TRAPPC9: variants seen among roughly 807,000 people sequenced by gnomAD.
The protein encoded by TRAPPC9 is trafficking protein particle complex subunit 9.
In TRAPPC9, 83 loss-of-function variants were observed where a neutral mutation model predicts 124.0. The observed-to-expected ratio is 0.67, with a 90% CI of 0.56 to 0.80. The LOEUF is 0.80. Among genes scored for constraint, TRAPPC9 ranks in the 30% least tolerant of loss-of-function variants. TRAPPC9 has a pLI of 0.00. For missense variants in TRAPPC9, 1,302 were observed against 1,508.3 expected (o/e 0.86, Z 2.27); for synonymous variants, 638 against 617.5 (o/e 1.03, Z -0.49).
At position 139,730,962 on chromosome 8, in the gene TRAPPC9, G is replaced by A. The variant is rs982315273; in HGVS notation, c.*99C>T. On this transcript the variant is annotated 3_prime_UTR_variant, in exon 23 of 23. Coordinates refer to ENST00000438773, the MANE Select transcript of TRAPPC9 (RefSeq NM_001160372.4). Reference sequence around the variant, plus strand: ...GGAGGGGTCTGGGGGAGGAGGAGGAGATGGGGCTGCAGTGAAGGCCTTGCT... The same window carrying A: ...GGAGGGGTCTGGGGGAGGAGGAGGAAATGGGGCTGCAGTGAAGGCCTTGCT... 7 of 1,339,712 alleles carry A rather than the reference G, an allele frequency of 5.2e-6. No homozygotes were observed. In the African/African-American group the frequency reaches 1.0e-4, roughly 19 times the overall value. The allele number at this position is 1,339,712 out of a possible 1,614,324, so 83.0% of individuals were successfully genotyped here.
At chr8:140,049,091 C>T (rs1374119557) in intron 17 of TRAPPC9, among the ~76,000 whole-genome samples, 11 of 152,180 alleles carry the variant, frequency 7.2e-5, no homozygotes, top group Admixed American at 5.2e-4. Flanking sequence ...CCCGCGATGA[C>T]GGAACTGGCC....
At chr8:140,448,826 C>T (rs1185046286) in intron 2 of TRAPPC9, among the ~76,000 whole-genome samples, 1 of 152,214 alleles carries the variant, frequency 6.6e-6, no homozygotes, top group East Asian at 1.9e-4. Context: ...AGAAAGGCCC[C>T]GGGCCTCAGA....
intron 20 of TRAPPC9, among the ~76,000 whole-genome samples, chr8:139,891,341 C>T (rs1481991081): frequency 6.6e-6 from 1 of 152,230 alleles, no homozygotes; most frequent in Non-Finnish European, 1.5e-5. Flanking sequence ...GCATCTGGCA[C>T]GTCGGAGAGG....
chr8:139,872,142 G>A (rs569678289), intron 21 of TRAPPC9, among the ~76,000 whole-genome samples: 135 of 151,578 alleles, frequency 8.9e-4, no homozygotes, highest in African/African-American at 3.1e-3. Flanking sequence ...ATGGGCTGGT[G>A]GGTAAATGGT....
rs1273974730 is a variant in TRAPPC9 at position 139,971,754 on chromosome 8, C to CACACACACACACAT, written c.2810+16971_2810+16972insATGTGTGTGTGTGT. Among the ~76,000 whole-genome samples the CACACACACACACAT allele has an allele frequency of 3.1e-4, 45 of 146,194 alleles. 1 individual carries two copies. The highest frequency in any genetic ancestry group is 1.1e-3 in the African/African-American group (45 of 39,156). ...ACACACACACATATATATATACACA[C>CACACACACACACAT]ACACACACACATATATATATACACA... On this transcript the variant is annotated intron_variant, in intron 19 of 22. Transcript: ENST00000438773.
intron 17 of TRAPPC9, among the ~76,000 whole-genome samples, chr8:140,168,887 C>A (rs139356310): frequency 9.9e-4 from 151 of 152,330 alleles, no homozygotes; most frequent in Middle Eastern, 3.4e-3. Flanking sequence ...AGGGTAAGTT[C>A]TATGGGGAGA....
chr8:140,160,703 G>A (rs1432772208), intron 17 of TRAPPC9, among the ~76,000 whole-genome samples: 1 of 152,070 alleles, frequency 6.6e-6, no homozygotes, highest in Admixed American at 6.6e-5. Context: ...CAAATGATAA[G>A]TTGATGGGTG....
At chr8:140,184,943 TTAG>T (rs1302576712) in intron 17 of TRAPPC9, among the ~76,000 whole-genome samples, 2 of 152,130 alleles carry the variant, frequency 1.3e-5, no homozygotes, top group African/African-American at 4.8e-5. Context: ...ACACAACATT[TTAG>T]ATTTGCAAAG....
intron 19 of TRAPPC9, among the ~76,000 whole-genome samples, chr8:139,971,162 C>G (rs976177865): frequency 2.0e-5 from 3 of 152,142 alleles, no homozygotes; most frequent in African/African-American, 7.2e-5. Context: ...CTTCCAGGCA[C>G]TTCCCAAAAG....
intron 18 of TRAPPC9, among the ~76,000 whole-genome samples, chr8:140,014,838 G>A (rs80189675): frequency 5.3e-5 from 8 of 152,200 alleles, no homozygotes; most frequent in East Asian, 1.9e-4. Context: ...GAGGGTTCTC[G>A]GGAGTGTGCA....
intron 17 of TRAPPC9, among the ~76,000 whole-genome samples, chr8:140,152,006 G>A (rs1399909510): frequency 6.6e-6 from 1 of 152,144 alleles, no homozygotes; most frequent in Non-Finnish European, 1.5e-5. Flanking sequence ...GCACTGGGGA[G>A]CCGGAATGGC....
intron 17 of TRAPPC9, among the ~76,000 whole-genome samples, chr8:140,089,458 C>G (rs1844422031): frequency 6.6e-6 from 1 of 152,180 alleles, no homozygotes; most frequent in Non-Finnish European, 1.5e-5. Flanking sequence ...AATAGTCCTA[C>G]TACGTGAAAT....
At chr8:139,741,237 T>G (rs553651359) in intron 21 of TRAPPC9, among the ~76,000 whole-genome samples, 166 of 152,186 alleles carry the variant, frequency 1.1e-3, no homozygotes, top group Non-Finnish European at 2.3e-3. Flanking sequence ...TCCTTGGTGC[T>G]CCTCTGGTTG....
chr8:140,208,607 G>C (rs147008714), intron 17 of TRAPPC9, among the ~76,000 whole-genome samples: 29 of 152,330 alleles, frequency 1.9e-4, no homozygotes, highest in African/African-American at 6.5e-4. Context: ...GAAGAGCAGA[G>C]CAATTCTTTA....
intron 21 of TRAPPC9, among the ~76,000 whole-genome samples, chr8:139,879,776 CACTGGTT>C (rs1829565477): frequency 1.3e-5 from 2 of 152,228 alleles, no homozygotes; most frequent in Admixed American, 1.3e-4. Flanking sequence ...GATTTGTGAG[CACTGGTT>C]ACATGGCAAG....
At chr8:140,382,273 G>A (rs1296829750) in intron 7 of TRAPPC9, among the ~76,000 whole-genome samples, 1 of 152,198 alleles carries the variant, frequency 6.6e-6, no homozygotes, top group Non-Finnish European at 1.5e-5. Context: ...ATTTCACTGG[G>A]GCTTGTTGGA....
At chr8:140,166,772 T>C (rs1229011194) in intron 17 of TRAPPC9, among the ~76,000 whole-genome samples, 1 of 152,206 alleles carries the variant, frequency 6.6e-6, no homozygotes, top group Non-Finnish European at 1.5e-5. Context: ...AACTTGCCTA[T>C]CCGTCTTTTT....
intron 16 of TRAPPC9, among the ~76,000 whole-genome samples, chr8:140,223,471 G>C (rs2063381682): frequency 6.6e-6 from 1 of 152,194 alleles, no homozygotes; most frequent in South Asian, 2.1e-4. Flanking sequence ...CTCACACTCG[G>C]TGCTTTTGAT....
intron 21 of TRAPPC9, among the ~76,000 whole-genome samples, chr8:139,830,387 A>G (rs1479368441): frequency 6.6e-6 from 1 of 152,212 alleles, no homozygotes; most frequent in African/African-American, 2.4e-5. Flanking sequence ...ACACACATGC[A>G]TACACATGCA....
Sources: allele counts gnomAD v4.1 joint callset (sites outside exome capture counted in the v4.1 genomes callset), GRCh38; gene constraint gnomAD v4.1.1; transcripts MANE v1.5; gene names NCBI Gene and HGNC (gene_info 2026-07-23, HGNC 2026-07-21).